The following EPHA5 variants were observed in gnomAD, a reference collection of about 807,000 sequenced individuals.
The protein encoded by EPHA5 is EPH receptor A5.
In EPHA5, 60 loss-of-function variants were observed where a neutral mutation model predicts 105.0. The ratio of observed to expected loss-of-function variants is 0.57; its 90% CI spans 0.46 to 0.71. EPHA5 has a LOEUF of 0.71. Among genes scored for constraint, EPHA5 ranks in the 30% least tolerant of loss-of-function variants. The probability of loss-of-function intolerance (pLI) is 0.00; values close to 1 mark genes in which losing one functional copy is unlikely to be tolerated. For synonymous variants in EPHA5, 513 were observed against 449.1 expected (o/e 1.14, Z -1.80); for missense variants, 1,218 against 1,274.7 (o/e 0.96, Z 0.68).
chr4:65,528,841 TTAATGCTCGGAAA>T (rs1387648545), intron 3 of EPHA5, among the ~76,000 whole-genome samples: 33 of 152,114 alleles, frequency 2.2e-4, no homozygotes, highest in Non-Finnish European at 4.3e-4. Flanking sequence ...CATTCTGGCA[TTAATGCTCGGAAA>T]TAATATACTG....
At chr4:65,644,266 T>A (rs778813344) in intron 1 of EPHA5, among the ~76,000 whole-genome samples, 1 of 151,848 alleles carries the variant, frequency 6.6e-6, no homozygotes, top group Non-Finnish European at 1.5e-5. Context: ...CATATGGTGT[T>A]ACATACTGTC....
chr4:65,432,288 A>G (rs1725050560), intron 5 of EPHA5, among the ~76,000 whole-genome samples: 1 of 152,206 alleles, frequency 6.6e-6, no homozygotes, highest in South Asian at 2.1e-4. Flanking sequence ...ATGGCTGTAT[A>G]GAATTGACTG....
chr4:65,342,258 T>C (rs1397235416), intron 14 of EPHA5, among the ~76,000 whole-genome samples: 2 of 152,064 alleles, frequency 1.3e-5, no homozygotes, highest in Non-Finnish European at 2.9e-5. Flanking sequence ...CATAAGAATT[T>C]TCATGAGGCT....
intron 8 of EPHA5, among the ~76,000 whole-genome samples, chr4:65,403,322 A>G (rs1252403881): frequency 6.6e-6 from 1 of 152,198 alleles, no homozygotes; most frequent in Non-Finnish European, 1.5e-5. Flanking sequence ...AGTCAACAGT[A>G]AATGAGTAGA....
At chr4:65,539,896 T>C (rs993522081) in intron 3 of EPHA5, among the ~76,000 whole-genome samples, 5 of 151,554 alleles carry the variant, frequency 3.3e-5, no homozygotes, top group Non-Finnish European at 7.4e-5. Context: ...CTAATGTACC[T>C]ATATTATTAT....
intron 3 of EPHA5, among the ~76,000 whole-genome samples, chr4:65,502,589 C>T (rs1218845920): frequency 6.6e-6 from 1 of 151,710 alleles, no homozygotes; most frequent in African/African-American, 2.4e-5. Flanking sequence ...ATTTAAAAGT[C>T]AGAAAACAAC....
chr4:65,647,682 A>C (rs1748244700), intron 1 of EPHA5, among the ~76,000 whole-genome samples: 1 of 152,114 alleles, frequency 6.6e-6, no homozygotes. Context: ...TTTTCATTCT[A>C]TTATTTATAT....
chr4:65,369,843 T>C (rs1411929663), intron 8 of EPHA5, among the ~76,000 whole-genome samples: 1 of 152,012 alleles, frequency 6.6e-6, no homozygotes, highest in Non-Finnish European at 1.5e-5. Context: ...GGCAGGCACC[T>C]GTAATCCCAG....
At chr4:65,470,308 C>T (rs1349943971) in intron 5 of EPHA5, among the ~76,000 whole-genome samples, 1 of 151,876 alleles carries the variant, frequency 6.6e-6, no homozygotes, top group Non-Finnish European at 1.5e-5. Context: ...TATCCCACCT[C>T]AGCCTCCCGA....
chr4:65,662,318 C>A (rs1205424136), intron 1 of EPHA5, among the ~76,000 whole-genome samples: 1 of 152,028 alleles, frequency 6.6e-6, no homozygotes, highest in Non-Finnish European at 1.5e-5. Context: ...ATATTTCAAC[C>A]CTCAGGTTTT....
chr4:65,409,196 G>C (rs1048289565), intron 7 of EPHA5, among the ~76,000 whole-genome samples: 1 of 89,282 alleles, frequency 1.1e-5, no homozygotes, highest in Non-Finnish European at 2.2e-5. Context: ...GTTGTGGGGT[G>C]GGGGGAGGGG....
intron 5 of EPHA5, among the ~76,000 whole-genome samples, chr4:65,457,955 T>C (rs1727757958): frequency 6.6e-6 from 1 of 151,852 alleles, no homozygotes; most frequent in Non-Finnish European, 1.5e-5. Context: ...GCGCCTGTAG[T>C]TCCAGCTACT....
At position 65,495,527 on chromosome 4, in the gene EPHA5, G is replaced by C. The variant is rs2149226689; in HGVS notation, c.927C>G (p.Phe309Leu). 1.2e-6 allele frequency: 2 copies of C among 1,613,578 alleles called. No individual in the cohort carries two copies. Among genetic ancestry groups the C allele is most frequent in the Non-Finnish European group, 8.5e-7 (1 of 1,179,694 alleles). The change falls in exon 4 of 17, where the codon TTC (phenylalanine) becomes TTG (leucine). Residue 309 changes from phenylalanine to leucine, a missense_variant. Physicochemically the swap from Phe to Leu is conservative, Grantham distance 22. Coordinates refer to ENST00000613740, the MANE Select transcript of EPHA5 (RefSeq NM_001281766.3). ...TCTGGATGTGAGGTGAGGCTTTGAA[G>C]AACCCAGGTCTGCACACTGTCAAAA... Reference protein sequence around the residue: ...NGTCQVCRPGFFKASPHIQSC... With the variant: ...NGTCQVCRPGLFKASPHIQSC...
chr4:65,667,696 T>C lies in EPHA5; in HGVS notation c.181+1866A>G, dbSNP rs570705457. The stretch of plus-strand genomic sequence containing the variant: ...CCTCCCTGCACAGTCTTGGCTCTTG[T>C]TCCCATTCAGTGTCACTCTCCCTGA... On this transcript the variant is annotated intron_variant, in intron 1 of 16. Transcript: ENST00000613740. Among the ~76,000 whole-genome samples, 8 of 152,316 alleles carry C rather than the reference T, an allele frequency of 5.3e-5. No individual in the cohort carries two copies. In the South Asian group the frequency reaches 1.7e-3, roughly 32 times the overall value.
intron 3 of EPHA5, among the ~76,000 whole-genome samples, chr4:65,513,334 T>C (rs1336836317): frequency 1.3e-5 from 2 of 152,184 alleles, no homozygotes; most frequent in Non-Finnish European, 2.9e-5. Context: ...CTAATTCTGA[T>C]GACTCATATT....
intron 1 of EPHA5, among the ~76,000 whole-genome samples, chr4:65,650,141 A>T (rs925994077): frequency 3.3e-5 from 5 of 152,162 alleles, no homozygotes; most frequent in Admixed American, 6.5e-5. Context: ...ATGGTATATA[A>T]TCATCCCCAA....
intron 3 of EPHA5, among the ~76,000 whole-genome samples, chr4:65,563,070 A>G (rs534848140): frequency 2.6e-5 from 4 of 152,136 alleles, no homozygotes; most frequent in Admixed American, 2.6e-4. Context: ...GATAAAATAT[A>G]CTTTCAAGTA....
At chr4:65,512,178 A>G (rs918371650) in intron 3 of EPHA5, among the ~76,000 whole-genome samples, 4 of 152,206 alleles carry the variant, frequency 2.6e-5, no homozygotes, top group Non-Finnish European at 5.9e-5. Context: ...AAACATGATC[A>G]CTTACAGGTG....
intron 5 of EPHA5, among the ~76,000 whole-genome samples, chr4:65,464,325 G>A (rs1223647606): frequency 6.6e-6 from 1 of 151,810 alleles, no homozygotes; most frequent in East Asian, 1.9e-4. Flanking sequence ...TTACTGACGT[G>A]CCTACAAAAT....
Sources: gnomAD v4.1 joint callset for allele counts (sites outside exome capture counted in the v4.1 genomes callset) on GRCh38, gnomAD v4.1.1 for gene constraint, MANE v1.5 for transcripts, NCBI Gene and HGNC (gene_info 2026-07-23, HGNC 2026-07-21) for gene names.